DNAH14: variants seen among roughly 807,000 people sequenced by gnomAD.
DNAH14 encodes the protein dynein axonemal heavy chain 14.
In DNAH14, 478 loss-of-function variants were observed where a neutral mutation model predicts 520.9. The observed-to-expected ratio is 0.92, with a 90% CI of 0.85 to 0.99. The LOEUF is 0.99. Ranked by LOEUF, DNAH14 falls within the 50% of genes least tolerant of loss-of-function variation. The pLI, the probability that DNAH14 is intolerant of heterozygous loss-of-function variation, is 0.00. For missense variants in DNAH14, 4,831 were observed against 5,234.5 expected (o/e 0.92, Z 2.38); for synonymous variants, 1,581 against 1,757.2 (o/e 0.90, Z 2.51).
At chr1:225,029,184 TTA>T (rs1162500022) in intron 11 of DNAH14, among the ~76,000 whole-genome samples, 1 of 152,020 alleles carries the variant, frequency 6.6e-6, no homozygotes, top group Non-Finnish European at 1.5e-5. Context: ...ACACTATATA[TTA>T]TATGATTCCA....
intron 60 of DNAH14, among the ~76,000 whole-genome samples, chr1:225,311,371 T>G (rs1469962596): frequency 6.6e-6 from 1 of 152,218 alleles, no homozygotes; most frequent in African/African-American, 2.4e-5. Flanking sequence ...ACAGATAGAT[T>G]GCAAAAATTT....
Position 225,367,703 on chromosome 1 carries a change from T to A in DNAH14, c.12091-102T>A, listed in dbSNP as rs185325736. On this transcript the variant is annotated intron_variant, in intron 76 of 85. Coordinates refer to ENST00000682510, the MANE Select transcript of DNAH14 (RefSeq NM_001367479.1). ...CAGTGAATCTTGAAAATAGTTACAT[T>A]CTTGCCCAGTTCTTTTACCAGTGTT... 4.7e-4 allele frequency: 370 copies of A among 783,368 alleles called. 2 individuals carry two copies. In the African/African-American group the frequency reaches 5.1e-3, roughly 11 times the overall value. The allele number at this position is 783,368 out of a possible 1,614,324, so 48.5% of individuals were successfully genotyped here. A position where few individuals can be genotyped will look rare whatever the true frequency, so the allele number is the denominator to read the frequency against.
Position 225,351,663 on chromosome 1 carries a change from T to C in DNAH14, c.11313T>C (p.Gly3771=). The C allele has an allele frequency of 6.5e-7, 1 of 1,547,214 alleles. No homozygotes were observed. Among genetic ancestry groups the C allele is most frequent in the Non-Finnish European group, 8.7e-7 (1 of 1,143,938 alleles). The change falls in exon 72 of 86, where the codon GGT becomes GGC. Residue 3771 remains glycine, a synonymous_variant. Coordinates refer to ENST00000682510, the MANE Select transcript of DNAH14 (RefSeq NM_001367479.1). ...TTTTATCAGGCACATTTGAAATAGG[T>C]GAAAGTCAACATCTTCAGTGGCTGT... ...QSRLTSTFEI[G]ESQHLQWLSD...
intron 44 of DNAH14, among the ~76,000 whole-genome samples, chr1:225,257,193 G>C (rs656877): frequency 6.6e-6 from 1 of 152,026 alleles, no homozygotes; most frequent in Non-Finnish European, 1.5e-5. Context: ...TGACCTCTCC[G>C]GGGTTAGGGC....
At chr1:225,188,701 T>G (rs537497730) in intron 37 of DNAH14, among the ~76,000 whole-genome samples, 1 of 152,052 alleles carries the variant, frequency 6.6e-6, no homozygotes, top group African/African-American at 2.4e-5. Flanking sequence ...AATTTAAGGA[T>G]TGGCTTTTCC....
chr1:225,146,549 C>T (rs142652861), intron 30 of DNAH14, among the ~76,000 whole-genome samples: 5 of 152,352 alleles, frequency 3.3e-5, no homozygotes, highest in African/African-American at 9.6e-5. Context: ...CCTGGGCCTG[C>T]ACTCTGGCAA....
chr1:225,153,650 G>C, intron 33 of DNAH14, 100 bp from the exon 34 acceptor site: 1 of 767,636 alleles, frequency 1.3e-6, no homozygotes, highest in Non-Finnish European at 2.0e-6. Context: ...TTTCCCTGCA[G>C]AGCATAGATT....
At chr1:225,375,976 T>C (rs1428564813) in intron 78 of DNAH14, among the ~76,000 whole-genome samples, 1 of 151,446 alleles carries the variant, frequency 6.6e-6, no homozygotes, top group Non-Finnish European at 1.5e-5. Flanking sequence ...TAGTCCCAGC[T>C]ACTCAAGAGG....
chr1:225,109,684 G>C (rs1038409529), intron 23 of DNAH14, among the ~76,000 whole-genome samples: 4 of 151,934 alleles, frequency 2.6e-5, no homozygotes, highest in African/African-American at 9.7e-5. Flanking sequence ...TTCCAACTTG[G>C]ATGCCCTTTG....
chr1:224,958,761 T>G (rs1339605574), intron 3 of DNAH14, among the ~76,000 whole-genome samples: 1 of 151,946 alleles, frequency 6.6e-6, no homozygotes, highest in Admixed American at 6.6e-5. Flanking sequence ...TTAGACAGGG[T>G]CTTAATTCAT....
rs149592793 is a variant in DNAH14, at chr1:225,056,227, T to G, written c.2424+4432T>G. ...TTCCTGACTTTTTAATGATTGCCAT[T>G]CTAACTGGTGTGAGATGGTTTCTCA... On this transcript the variant is annotated intron_variant, in intron 17 of 85. Coordinates refer to ENST00000682510, the MANE Select transcript of DNAH14 (RefSeq NM_001367479.1). 6.7e-3 allele frequency among the ~76,000 whole-genome samples: 1,018 copies of G among 152,300 alleles called. 7 individuals are homozygous for G. Among genetic ancestry groups the G allele is most frequent in the African/African-American group, 0.023 (947 of 41,562 alleles).
Position 225,043,097 on chromosome 1 carries a change from T to C in DNAH14, c.1751T>C (p.Leu584Pro). ...AKKSKEISYNLEDIISDTEIE... is the reference protein window; with the variant it reads ...AKKSKEISYNPEDIISDTEIE... ...AAATCAAAAGAAATTAGTTACAATC[T>C]TGAAGATATTATTTCAGGTAAGACA... The change falls in exon 13 of 86, where the codon CTT (leucine) becomes CCT (proline). Residue 584 changes from leucine to proline, a missense_variant. Leu to Pro is a moderately conservative substitution (Grantham distance 98, BLOSUM62 -3). Transcript: ENST00000682510. 6.4e-7 allele frequency: 1 copy of C among 1,550,402 alleles called. No homozygotes were observed. Among genetic ancestry groups the C allele is most frequent in the South Asian group, 1.2e-5 (1 of 83,932 alleles).
intron 10 of DNAH14, among the ~76,000 whole-genome samples, chr1:225,015,285 T>G (rs888871720): frequency 4.6e-5 from 7 of 152,198 alleles, no homozygotes; most frequent in Non-Finnish European, 1.0e-4. Context: ...TGTAATTCAT[T>G]TACTTTCAAG....
chr1:225,267,872 G>T (rs1213634582), intron 49 of DNAH14, among the ~76,000 whole-genome samples: 1 of 151,722 alleles, frequency 6.6e-6, no homozygotes, highest in African/African-American at 2.4e-5. Context: ...AGGCAGAGGG[G>T]AAGAATCCAG....
At chr1:225,093,129 T>G (rs2074557709) in intron 21 of DNAH14, among the ~76,000 whole-genome samples, 1 of 152,118 alleles carries the variant, frequency 6.6e-6, no homozygotes, top group Non-Finnish European at 1.5e-5. Flanking sequence ...GAGGAGGGAC[T>G]CCTCCCTGAC....
At chr1:225,058,107 AC>A (rs2069413634) in intron 17 of DNAH14, among the ~76,000 whole-genome samples, 1 of 152,180 alleles carries the variant, frequency 6.6e-6, no homozygotes, top group South Asian at 2.1e-4. Flanking sequence ...AAGGAATGGT[AC>A]CAGCTCCTCC....
chr1:225,335,354 C>CAT (rs2094932029), intron 66 of DNAH14, among the ~76,000 whole-genome samples: 5 of 31,886 alleles, frequency 1.6e-4, no homozygotes, highest in Non-Finnish European at 2.6e-4. Context: ...TGTGTATATG[C>CAT]ATATACACGT....
intron 1 of DNAH14, among the ~76,000 whole-genome samples, chr1:224,948,315 AC>A (rs2059971624): frequency 6.6e-6 from 1 of 151,570 alleles, no homozygotes; most frequent in African/African-American, 2.4e-5. Context: ...AAATTTAGTC[AC>A]TATGTAGTGA....
At chr1:225,146,423 G>A (rs896907114) in intron 30 of DNAH14, among the ~76,000 whole-genome samples, 13 of 152,102 alleles carry the variant, frequency 8.5e-5, no homozygotes, top group African/African-American at 3.1e-4. Flanking sequence ...CAGAAGTTAG[G>A]CCTGTCAATA....
Sources: allele counts gnomAD v4.1 joint callset (sites outside exome capture counted in the v4.1 genomes callset), GRCh38; gene constraint gnomAD v4.1.1; transcripts MANE v1.5; gene names NCBI Gene and HGNC (gene_info 2026-07-23, HGNC 2026-07-21).